Variants in DLG4 observed in about 807,000 individuals in gnomAD.
DLG4 encodes discs large MAGUK scaffold protein 4.
In DLG4, 7 loss-of-function variants were observed where a neutral mutation model predicts 93.8. The observed-to-expected ratio is 0.07, with a 90% CI of 0.04 to 0.14. DLG4 has a LOEUF of 0.14. Ranked by LOEUF, DLG4 falls within the 10% of genes least tolerant of loss-of-function variation. The pLI is 1.00. For missense variants in DLG4, 545 were observed against 992.9 expected, an observed-to-expected ratio of 0.55 and a Z score of 6.06; for synonymous variants, 341 against 387.6, an observed-to-expected ratio of 0.88 and a Z score of 1.41.
intron 2 of DLG4, chr17:7,204,959 T>A (rs376814324): frequency 1.0e-6 from 1 of 985,526 alleles, no homozygotes. Flanking sequence ...CAGGAGGCCC[T>A]GTCGTCAGGA....
At chr17:7,219,007 G>T (rs1044100197), upstream of DLG4, 4 of 742,830 alleles carry the variant, frequency 5.4e-6, no homozygotes. Context: ...CCACCATCTT[G>T]CTCCACACAC....
intron 1 of DLG4, among the ~76,000 whole-genome samples, chr17:7,209,507 G>A (rs1402718805): frequency 1.3e-5 from 2 of 152,160 alleles, no homozygotes; most frequent in East Asian, 1.9e-4. Context: ...GAGAAGGCAC[G>A]GCAATCCCAG....
rs1337015053 is a variant in DLG4 at position 7,196,965 on chromosome 17, C to T, written c.875G>A (p.Arg292Gln). The change falls in exon 9 of 20, where the codon CGG becomes CAG. Residue 292 changes from arginine (R) to glutamine (Q), a missense_variant. Arg to Gln is a conservative substitution (Grantham distance 43). Transcript: ENST00000399506. The surrounding 1 kb of genome is among the most constrained non-coding windows in gnomAD (Gnocchi z 8.3). ...YPTAMTPTSP[R>Q]RYSPVAKDLL... The stretch of plus-strand genomic sequence containing the variant: ...GTCCTTGGCCACTGGAGAGTAGCGC[C>T]GAGGGGAAGTGGGGGTCATGGCTGT... 6 of 1,613,598 alleles carry T rather than the reference C, an allele frequency of 3.7e-6. No individual in the cohort carries two copies. Among genetic ancestry groups the T allele is most frequent in the Middle Eastern group, 1.6e-4 (1 of 6,084 alleles).
intron 1 of DLG4, chr17:7,211,651 C>T (rs896187698): frequency 1.0e-6 from 1 of 982,118 alleles, no homozygotes; most frequent in African/African-American, 1.8e-5. Context: ...CATACCGCGG[C>T]ACGTACCACG....
upstream of DLG4, chr17:7,218,897 T>G: frequency 6.2e-7 from 1 of 1,601,278 alleles, no homozygotes; most frequent in Non-Finnish European, 8.6e-7. Context: ...GGATTGGAGT[T>G]GAGCTGCTTC....
Position 7,196,791 on chromosome 17 carries a change from C to T in DLG4, c.1049G>A (p.Ser350Asn). The change falls in exon 9 of 20, where the codon AGT becomes AAT. Residue 350 changes from serine (S) to asparagine (N), a missense_variant. Ser to Asn is a conservative substitution (Grantham distance 46). This residue lies in a region of DLG4 where 428 missense variants were observed against 741.4 expected (regional missense o/e 0.58). Coordinates refer to ENST00000399506, the MANE Select transcript of DLG4 (RefSeq NM_001321075.3). The surrounding 1 kb of genome is among the most constrained non-coding windows in gnomAD (Gnocchi z 8.3). ...CTGGTCCCCCTTCCGCAGCTCCCCA[C>T]TGAGGTCTGCAGGGCCCCCGGCCAG... ...FILAGGPADL[S>N]GELRKGDQIL... The T allele has an allele frequency of 1.2e-6, 2 of 1,611,110 alleles. No individual in the cohort carries two copies. The highest frequency in any genetic ancestry group is 1.7e-6 in the Non-Finnish European group (2 of 1,178,774).
chr17:7,190,722 G>C lies in DLG4; in HGVS notation c.2161C>G (p.Arg721Gly). The change falls in exon 20 of 20, where the codon CGA (arginine) becomes GGA (glycine). Residue 721 changes from arginine to glycine, a missense_variant. Physicochemically the swap from Arg to Gly is moderately radical, Grantham distance 125 (BLOSUM62 -2). Transcript: ENST00000399506. The part of the protein sequence containing the change: ...LSGPYIWVPA[R>G]ERL ...CAGGGCAGGAATCAGAGTCTCTCTC[G>C]GGCTGGAACCCAGATGTAGGGGCCT... The C allele has an allele frequency of 1.2e-6, 2 of 1,613,640 alleles. No individual in the cohort carries two copies. The highest frequency in any genetic ancestry group is 2.2e-5 in the East Asian group (1 of 44,870).
upstream of DLG4, chr17:7,219,665 C>A (rs1420556108): frequency 7.6e-7 from 1 of 1,308,232 alleles, no homozygotes; most frequent in East Asian, 3.4e-5. Flanking sequence ...CTCCATCCCT[C>A]TGGCTGCAGT....
At chr17:7,192,810 G>A in intron 17 of DLG4, 135 bp downstream of exon 17, 2 of 964,792 alleles carry the variant, frequency 2.1e-6, no homozygotes, top group Admixed American at 2.7e-5. Context: ...CCCAAGAGGA[G>A]AAGGAGGTGG....
intron 1 of DLG4, 26 bp downstream of exon 1, chr17:7,217,092 G>T: frequency 7.8e-7 from 1 of 1,284,204 alleles, no homozygotes; most frequent in Non-Finnish European, 9.9e-7. Context: ...CCTCCCCCCA[G>T]TTTATAGCCC....
chr17:7,191,525 C>T lies in DLG4; in HGVS notation c.1977-167G>A. 1.5e-6 allele frequency: 1 copy of T among 649,496 alleles called. No individual in the cohort carries two copies. The highest frequency in any genetic ancestry group is 1.9e-5 in the South Asian group (1 of 53,908). The allele number at this position is 649,496 out of a possible 1,614,324, so 40.2% of individuals were successfully genotyped here. On this transcript the variant is annotated intron_variant, in intron 18 of 19. Coordinates refer to ENST00000399506, the MANE Select transcript of DLG4 (RefSeq NM_001321075.3). The surrounding 1 kb of genome is among the most constrained non-coding windows in gnomAD (Gnocchi z 6.6). ...CCACAGATGAGAACCACCCCCCACC[C>T]CCCTGCCACCCGCAACCGCCCCAGC...
At chr17:7,217,089 C>T (rs1378971792) in intron 1 of DLG4, 29 bp downstream of exon 1, 1 of 1,284,402 alleles carries the variant, frequency 7.8e-7, no homozygotes, top group Non-Finnish European at 9.9e-7. Flanking sequence ...TACCCTCCCC[C>T]CAGTTTATAG....
chr17:7,217,051 G>C (rs1597505427), intron 1 of DLG4, 67 bp downstream of exon 1: 2 of 1,238,126 alleles, frequency 1.6e-6, no homozygotes, highest in African/African-American at 3.1e-5. Context: ...TCCCAGATAA[G>C]GCCTACTAAC....
chr17:7,200,498 G>C lies in DLG4; in HGVS notation c.787+2405C>G, dbSNP rs143926560. On this transcript the variant is annotated intron_variant, in intron 8 of 19. Transcript: ENST00000399506. ...ATTCACTACATTTTCTTATTGCTGGGAAGTTACTAATTCCTGTTATTTATC... is the reference window on the plus strand; with the variant it reads ...ATTCACTACATTTTCTTATTGCTGGCAAGTTACTAATTCCTGTTATTTATC... Among the ~76,000 whole-genome samples, 381 of 151,182 alleles carry C rather than the reference G, an allele frequency of 2.5e-3. 1 individual carries two copies. Among genetic ancestry groups the C allele is most frequent in the African/African-American group, 8.9e-3 (369 of 41,338 alleles).
chr17:7,190,649 C>A lies in DLG4; in HGVS notation c.*59G>T. ...GAGCCAAGGGCTTGGGCAATTCAGT[C>A]CAGACCAAGGGCCCAGGTGATGGAG... On this transcript the variant is annotated 3_prime_UTR_variant, in exon 20 of 20. Transcript: ENST00000399506. 7.0e-7 allele frequency: 1 copy of A among 1,418,770 alleles called. No homozygotes were observed. Among genetic ancestry groups the A allele is most frequent in the Non-Finnish European group, 1.0e-6 (1 of 1,002,524 alleles). 87.9% of individuals were successfully genotyped at this position (1,418,770 alleles called of 1,614,324 possible). A position where few individuals can be genotyped will look rare whatever the true frequency, so the allele number is the denominator to read the frequency against.
upstream of DLG4, chr17:7,218,390 C>A: frequency 7.1e-7 from 1 of 1,416,766 alleles, no homozygotes; most frequent in Non-Finnish European, 9.8e-7. Flanking sequence ...CCCTTTCAGC[C>A]AAGGCTGGTC....
rs1195993929 is a variant in DLG4 at position 7,194,206 on chromosome 17, C to A, written c.1478+113G>T. On this transcript the variant is annotated intron_variant, in intron 12 of 19. Transcript: ENST00000399506. This position sits in a 1 kb window ranked among gnomAD's most constrained non-coding sequence, Gnocchi z 4.4. ...ACGGACCCCAGGAGGGCCCAACAGA[C>A]AAACCCCTAGGAGTTCAGAGGGCAA... is the stretch of plus-strand genomic sequence containing the variant. 2.1e-6 allele frequency: 3 copies of A among 1,429,356 alleles called. No individual in the cohort carries two copies. The highest frequency in any genetic ancestry group is 1.4e-5 in the African/African-American group (1 of 70,270). 88.5% of individuals were successfully genotyped at this position (1,429,356 alleles called of 1,614,324 possible).
In DLG4 at chr17:7,187,318, G is replaced by GA. The variant is rs1378857214; in HGVS notation, c.*3389_*3390insT. 3.9e-4 allele frequency among the ~76,000 whole-genome samples: 27 copies of GA among 68,644 alleles called. 5 individuals are homozygous for GA. The highest frequency in any genetic ancestry group is 6.6e-4 in the Non-Finnish European group (13 of 19,826). The allele number at this position is 68,644 out of a possible 152,430, so 45.0% of individuals were successfully genotyped here. On this transcript the variant is annotated 3_prime_UTR_variant, in exon 20 of 20. Transcript: ENST00000399506. The stretch of plus-strand genomic sequence containing the variant: ...ACTTTGGGAGGCCGAGGGGGGGGGG[G>GA]GTGGATCACCCGAGGTCAGGAGTTC...
Position 7,207,339 on chromosome 17 carries a change from C to T in DLG4, c.96+835G>A, listed in dbSNP as rs144179246. On this transcript the variant is annotated intron_variant, in intron 2 of 19. Coordinates refer to ENST00000399506, the MANE Select transcript of DLG4 (RefSeq NM_001321075.3). ...AGAATGCGTGGGAGGAAGAGAGAGA[C>T]AGCATCAAGAGCCAGCCAGCCAGCC... Among the ~76,000 whole-genome samples the T allele has an allele frequency of 5.0e-3, 762 of 151,930 alleles. 4 individuals carry two copies. Among genetic ancestry groups the T allele is most frequent in the Middle Eastern group, 0.01 (3 of 294 alleles).
Sources: allele counts gnomAD v4.1 joint callset (sites outside exome capture counted in the v4.1 genomes callset), GRCh38; gene constraint gnomAD v4.1.1; regional missense constraint gnomAD v4.1.1; non-coding constraint Gnocchi (gnomAD v3.1); transcripts MANE v1.5; gene names NCBI Gene and HGNC (gene_info 2026-07-23, HGNC 2026-07-21).